Variants in SNTG2 observed in about 807,000 individuals in gnomAD.
SNTG2 encodes gamma-2-syntrophin.
Under a neutral mutation model 70.9 loss-of-function variants are expected in SNTG2, and 74 were observed. The ratio of observed to expected loss-of-function variants is 1.04; its 90% CI spans 0.86 to 1.27. SNTG2 has a LOEUF of 1.27. SNTG2 is among the 50% of genes most tolerant of loss of function. SNTG2 has a pLI of 0.00. For synonymous variants in SNTG2, 278 were observed against 273.8 expected, an observed-to-expected ratio of 1.02 and a Z score of -0.15; for missense variants, 717 against 690.7, an observed-to-expected ratio of 1.04 and a Z score of -0.43.
At chr2:1,180,620 G>A (rs1671817357) in intron 8 of SNTG2, among the ~76,000 whole-genome samples, 1 of 149,140 alleles carries the variant, frequency 6.7e-6, no homozygotes, top group African/African-American at 2.5e-5. Context: ...ACTGTTGATG[G>A]GACTGTAAAC....
At chr2:1,061,180 C>T (rs966749812) in intron 1 of SNTG2, among the ~76,000 whole-genome samples, 14 of 152,042 alleles carry the variant, frequency 9.2e-5, no homozygotes, top group East Asian at 1.9e-4. Flanking sequence ...CTGGGTTGGA[C>T]GCTGGAGTGG....
At chr2:1,312,650 CTAAA>C (rs10596817) in intron 15 of SNTG2, among the ~76,000 whole-genome samples, 3,909 of 152,286 alleles carry the variant, frequency 0.026, 147 homozygotes, top group African/African-American at 0.088. Flanking sequence ...AGCCTTGTCT[CTAAA>C]TGGTAACTTC....
At chr2:1,320,492 G>A (rs1297902325) in intron 16 of SNTG2, among the ~76,000 whole-genome samples, 5 of 140,332 alleles carry the variant, frequency 3.6e-5, no homozygotes, top group Admixed American at 7.6e-5. Flanking sequence ...AGATCATCGC[G>A]CCACTGTACT....
chr2:1,031,508 T>TTATATATATATATATATATATA (rs1316440220), intron 1 of SNTG2, among the ~76,000 whole-genome samples: 1 of 57,750 alleles, frequency 1.7e-5, no homozygotes, highest in African/African-American at 9.1e-5. Context: ...TAGTTCATTG[T>TTATATATATATATATATATATA]TATATATATA....
At chr2:1,131,092 C>G (rs1268830527) in intron 4 of SNTG2, among the ~76,000 whole-genome samples, 1 of 152,162 alleles carries the variant, frequency 6.6e-6, no homozygotes, top group Non-Finnish European at 1.5e-5. Flanking sequence ...TGTAAAGTGT[C>G]CTGCTAATGA....
chr2:1,190,994 T>C (rs1307978716), intron 8 of SNTG2, among the ~76,000 whole-genome samples: 2 of 152,202 alleles, frequency 1.3e-5, no homozygotes, highest in Non-Finnish European at 2.9e-5. Context: ...TGAATTTACA[T>C]GCTCCTTCAG....
At chr2:1,326,078 C>G (rs1572986020) in intron 16 of SNTG2, among the ~76,000 whole-genome samples, 1 of 152,148 alleles carries the variant, frequency 6.6e-6, no homozygotes, top group African/African-American at 2.4e-5. Flanking sequence ...AGTGATCCAC[C>G]TGCCTCAGCC....
At chr2:1,098,063 C>T in intron 2 of SNTG2, 133 bp from the exon 3 acceptor site, 1 of 930,660 alleles carries the variant, frequency 1.1e-6, no homozygotes, top group African/African-American at 1.6e-5. Flanking sequence ...TCATTACTGT[C>T]ATATTTAGCC....
intron 1 of SNTG2, among the ~76,000 whole-genome samples, chr2:1,023,378 G>A (rs1384829395): frequency 5.9e-5 from 9 of 152,020 alleles, no homozygotes; most frequent in Non-Finnish European, 1.2e-4. Flanking sequence ...GGGCTGAATT[G>A]ATGCTGTGTT....
intron 1 of SNTG2, among the ~76,000 whole-genome samples, chr2:1,080,703 T>A (rs1664234089): frequency 6.6e-6 from 1 of 151,896 alleles, no homozygotes; most frequent in Admixed American, 6.6e-5. Flanking sequence ...TTTGGGCATG[T>A]GTGGAGGTAT....
At chr2:1,292,597 A>G (rs1369079507) in intron 14 of SNTG2, among the ~76,000 whole-genome samples, 1 of 152,170 alleles carries the variant, frequency 6.6e-6, no homozygotes, top group Admixed American at 6.5e-5. Context: ...ATCTATTAAG[A>G]TGATACAGAT....
intron 16 of SNTG2, among the ~76,000 whole-genome samples, chr2:1,325,488 T>C (rs989473528): frequency 6.6e-6 from 1 of 152,264 alleles, no homozygotes; most frequent in Non-Finnish European, 1.5e-5. Flanking sequence ...CTCTGTTTAA[T>C]GTTGTGTTAG....
intron 4 of SNTG2, among the ~76,000 whole-genome samples, chr2:1,102,180 C>T (rs531439514): frequency 1.3e-5 from 2 of 152,258 alleles, no homozygotes; most frequent in South Asian, 4.2e-4. Flanking sequence ...AACCGTGGTA[C>T]AGAGGAGACG....
intron 16 of SNTG2, among the ~76,000 whole-genome samples, chr2:1,356,995 C>CT (rs1660888411): frequency 1.3e-5 from 2 of 151,330 alleles, no homozygotes; most frequent in South Asian, 4.2e-4. Flanking sequence ...AGAAATGCAA[C>CT]TTTATTGTGT....
At chr2:1,071,950 G>T (rs1663587768) in intron 1 of SNTG2, among the ~76,000 whole-genome samples, 1 of 152,212 alleles carries the variant, frequency 6.6e-6, no homozygotes, top group Non-Finnish European at 1.5e-5. Flanking sequence ...TTCTGTGAAG[G>T]TCTAGAGAGG....
chr2:1,219,064 G>A (rs909706983), intron 9 of SNTG2, among the ~76,000 whole-genome samples: 13 of 152,232 alleles, frequency 8.5e-5, no homozygotes, highest in African/African-American at 2.9e-4. Context: ...ACTGGATCAC[G>A]GGGCAGATTT....
intron 8 of SNTG2, among the ~76,000 whole-genome samples, chr2:1,179,575 A>G (rs1470108204): frequency 6.6e-6 from 1 of 152,104 alleles, no homozygotes; most frequent in Non-Finnish European, 1.5e-5. Flanking sequence ...GAGGATACAA[A>G]CAAATGGAAG....
chr2:1,079,666 A>G lies in SNTG2; in HGVS notation c.73-3852A>G, dbSNP rs187880571. ...GCACACCCTTCCCGTGTCCTCGGTC[A>G]TGGAAACTGTTCTCTGTGGACACCA... On this transcript the variant is annotated intron_variant, in intron 1 of 16. Transcript: ENST00000308624. Among the ~76,000 whole-genome samples the G allele has an allele frequency of 2.8e-3, 426 of 152,236 alleles. 3 individuals are homozygous for G. Among genetic ancestry groups the G allele is most frequent in the African/African-American group, 9.8e-3 (406 of 41,550 alleles).
intron 8 of SNTG2, among the ~76,000 whole-genome samples, chr2:1,176,659 A>ACATT (rs1671498460): frequency 1.3e-5 from 2 of 151,648 alleles, no homozygotes; most frequent in Non-Finnish European, 2.9e-5. Flanking sequence ...AGAAAAAAAA[A>ACATT]AACATTAAAT....
Sources: allele counts gnomAD v4.1 joint callset (sites outside exome capture counted in the v4.1 genomes callset), GRCh38; gene constraint gnomAD v4.1.1; transcripts MANE v1.5; gene names NCBI Gene and HGNC (gene_info 2026-07-23, HGNC 2026-07-21).